The following AHDC1 variants were observed in gnomAD, a reference collection of about 807,000 sequenced individuals.
The protein encoded by AHDC1 is AT-hook DNA binding motif containing 1.
A neutral mutation model predicts 87.9 loss-of-function variants in AHDC1; 7 were observed. The observed-to-expected ratio is 0.08, with a 90% CI of 0.05 to 0.15. The LOEUF (loss-of-function observed/expected upper bound fraction) is 0.15, where lower values mean the gene tolerates loss of function less well. Ranked by LOEUF, AHDC1 falls within the 10% of genes least tolerant of loss-of-function variation. The probability of loss-of-function intolerance (pLI) is 1.00; values close to 1 mark genes in which losing one functional copy is unlikely to be tolerated. For synonymous variants in AHDC1, 1,051 were observed against 1,006.8 expected (o/e 1.04, Z -0.83); for missense variants, 1,841 against 2,253.2 (o/e 0.82, Z 3.70).
intron 8 of AHDC1, among the ~76,000 whole-genome samples, chr1:27,546,463 G>T (rs2019171277): frequency 6.6e-6 from 1 of 152,172 alleles, no homozygotes; most frequent in African/African-American, 2.4e-5. Flanking sequence ...AAAGTCTTTG[G>T]CTTCAGGAAA....
chr1:27,560,141 T>TTGG lies in AHDC1; in HGVS notation c.-628-1261_-628-1259dup, dbSNP rs988276425. Among the ~76,000 whole-genome samples, 100 of 152,218 alleles carry TTGG rather than the reference T, an allele frequency of 6.6e-4. No homozygotes were observed. Among genetic ancestry groups the TTGG allele is most frequent in the African/African-American group, 2.3e-3 (94 of 41,520 alleles). ...TGCCAGCTTAAGTGTGTGCCTGGAT[T>TTGG]TGGTGTCTTCAGTCATACATGTGGG... On this transcript the variant is annotated intron_variant, in intron 3 of 8. Transcript: ENST00000673934. The surrounding 1 kb of genome is among the most constrained non-coding windows in gnomAD (Gnocchi z 4.1).
chr1:27,539,982 T>C (rs1053947096), intron 8 of AHDC1, among the ~76,000 whole-genome samples: 8 of 151,762 alleles, frequency 5.3e-5, no homozygotes, highest in Admixed American at 2.6e-4. Context: ...TCTCTCTCTC[T>C]CCCCCACTCT....
At chr1:27,570,112 C>A (rs1371972926) in intron 3 of AHDC1, among the ~76,000 whole-genome samples, 1 of 152,036 alleles carries the variant, frequency 6.6e-6, no homozygotes, top group Non-Finnish European at 1.5e-5. Context: ...GGAAGCCCAG[C>A]TGGGCATGCC....
chr1:27,569,173 C>T (rs984095760), intron 3 of AHDC1, among the ~76,000 whole-genome samples: 1 of 152,046 alleles, frequency 6.6e-6, no homozygotes, highest in Non-Finnish European at 1.5e-5. Flanking sequence ...TCTTCTCCCT[C>T]ATATGGTCTA....
intron 8 of AHDC1, among the ~76,000 whole-genome samples, chr1:27,545,533 G>C (rs1386431359): frequency 6.6e-6 from 1 of 151,720 alleles, no homozygotes; most frequent in Middle Eastern, 3.4e-3. Context: ...AGCCTGGGAG[G>C]AACGGTTTTT....
Position 27,548,588 on chromosome 1 carries a change from C to T in AHDC1, c.3528G>A (p.Pro1176=), listed in dbSNP as rs144212274. The T allele has an allele frequency of 8.1e-6, 13 of 1,613,418 alleles. No homozygotes were observed. The highest frequency in any genetic ancestry group is 6.7e-5 in the African/African-American group (5 of 74,932). Residue 1176 remains proline (P), a synonymous_variant, in exon 8 of 9, where the codon CCG becomes CCA. Coordinates refer to ENST00000673934, the MANE Select transcript of AHDC1 (RefSeq NM_001371928.1). ...CACGCCGAAACCCCCCGCCACCAAC[C>T]GGCTGATTGAACTGGGTGCTGTCGG... ...SSSDSTQFNQ[P]VGGGGFRRAN...
At chr1:27,575,449 C>T (rs2088693566) in intron 3 of AHDC1, among the ~76,000 whole-genome samples, 1 of 152,124 alleles carries the variant, frequency 6.6e-6, no homozygotes, top group Non-Finnish European at 1.5e-5. Context: ...CAGTCTGGGG[C>T]CGGGCGGCGA....
chr1:27,557,669 G>A (rs1438613816), intron 5 of AHDC1, among the ~76,000 whole-genome samples: 3 of 152,106 alleles, frequency 2.0e-5, no homozygotes, highest in East Asian at 1.9e-4. Flanking sequence ...CCGTACCATC[G>A]CAGTGTATTC....
At position 27,549,307 on chromosome 1, in the gene AHDC1, C is replaced by G. The variant is rs775334923; in HGVS notation, c.2809G>C (p.Asp937His). ...GGGAAGGTCTCGGCTGCCCGGCAGT[C>G]TGAAGCGGCTGGAGTTAGCCCATAG... ...ASYGLTPAAS[D>H]CRAAETFPKL... Residue 937 changes from aspartate (D) to histidine (H), a missense_variant, in exon 8 of 9, where the codon GAC (aspartate) becomes CAC (histidine). By Grantham distance (81) the Asp-to-His change is moderately conservative. This residue lies in a region of AHDC1 where 378 missense variants were observed against 399.0 expected (regional missense o/e 0.95). Transcript: ENST00000673934. 6.2e-7 allele frequency: 1 copy of G among 1,606,982 alleles called. No homozygotes were observed. The highest frequency in any genetic ancestry group is 8.5e-7 in the Non-Finnish European group (1 of 1,175,086).
chr1:27,591,460 G>A (rs186485078), intron 3 of AHDC1, among the ~76,000 whole-genome samples: 1 of 152,320 alleles, frequency 6.6e-6, no homozygotes, highest in African/African-American at 2.4e-5. Flanking sequence ...GATATCCCAG[G>A]TGACCACCTT....
rs955015924 is a variant in AHDC1 at position 27,563,532 on chromosome 1, C to G, written c.-628-4649G>C. Among the ~76,000 whole-genome samples the G allele has an allele frequency of 1.3e-5, 2 of 152,176 alleles. No homozygotes were observed. Among genetic ancestry groups the G allele is most frequent in the African/African-American group, 4.8e-5 (2 of 41,438 alleles). ...CTCCCCGGCTGCCTTGGACAGGTGA[C>G]AGCCCACCTCACCCCTCCCCCATCA... is the stretch of plus-strand genomic sequence containing the variant. On this transcript the variant is annotated intron_variant, in intron 3 of 8. Coordinates refer to ENST00000673934, the MANE Select transcript of AHDC1 (RefSeq NM_001371928.1). This position sits in a 1 kb window ranked among gnomAD's most constrained non-coding sequence, Gnocchi z 6.1.
In AHDC1 at chr1:27,562,767, TGTC is replaced by T. The variant is rs1390115048; in HGVS notation, c.-628-3887_-628-3885del. On this transcript the variant is annotated intron_variant, in intron 3 of 8. Coordinates refer to ENST00000673934, the MANE Select transcript of AHDC1 (RefSeq NM_001371928.1). This position sits in a 1 kb window ranked among gnomAD's most constrained non-coding sequence, Gnocchi z 4.4. ...GCCAGCCCCGTATCACCAGAAAACA[TGTC>T]GTCTCTTTAGAGTGAGACACGAGCT... Among the ~76,000 whole-genome samples, 1 of 152,158 alleles carries T rather than the reference TGTC, an allele frequency of 6.6e-6. No individual in the cohort carries two copies. The highest frequency in any genetic ancestry group is 2.4e-5 in the African/African-American group (1 of 41,420).
At chr1:27,537,572 C>T (rs2018700811) in intron 8 of AHDC1, among the ~76,000 whole-genome samples, 1 of 152,192 alleles carries the variant, frequency 6.6e-6, no homozygotes, top group Admixed American at 6.5e-5. Flanking sequence ...ACCTTCAGAA[C>T]ACCTCCTTAG....
Position 27,598,782 on chromosome 1 carries a change from C to T in AHDC1, c.-629+4615G>A, listed in dbSNP as rs892057972. The stretch of plus-strand genomic sequence containing the variant: ...CTAGCACCTCACACACAAATATATA[C>T]AGTGCATCCCAGTGCTCACCGCCTG... On this transcript the variant is annotated intron_variant, in intron 3 of 8. Coordinates refer to ENST00000673934, the MANE Select transcript of AHDC1 (RefSeq NM_001371928.1). The surrounding 1 kb of genome is among the most constrained non-coding windows in gnomAD (Gnocchi z 4.2). Among the ~76,000 whole-genome samples the T allele has an allele frequency of 1.3e-5, 2 of 152,178 alleles. No homozygotes were observed. Among genetic ancestry groups the T allele is most frequent in the Non-Finnish European group, 2.9e-5 (2 of 68,016 alleles).
chr1:27,537,815 A>AT (rs1224177283), intron 8 of AHDC1, among the ~76,000 whole-genome samples: 2 of 152,188 alleles, frequency 1.3e-5, no homozygotes, highest in African/African-American at 2.4e-5. Context: ...GTGCCAGGGC[A>AT]TTAAGTGGTC....
chr1:27,552,715 G>T (rs2019635628), intron 7 of AHDC1, 177 bp downstream of exon 7: 1 of 152,602 alleles, frequency 6.6e-6, no homozygotes, highest in East Asian at 1.9e-4. Context: ...CTTATTGACA[G>T]CTCATCCCCT....
chr1:27,583,718 ATTAGCTGTGTTTC>A (rs1297629755), intron 3 of AHDC1, among the ~76,000 whole-genome samples: 1 of 152,008 alleles, frequency 6.6e-6, no homozygotes, highest in African/African-American at 2.4e-5. Flanking sequence ...CCCTCTCCCT[ATTAGCTGTGTTTC>A]CTTGGGCATG....
In AHDC1 at chr1:27,547,458, C is replaced by T. The variant is rs2019227971; in HGVS notation, c.4658G>A (p.Arg1553Lys). 6.3e-7 allele frequency: 1 copy of T among 1,593,418 alleles called. No homozygotes were observed. The highest frequency in any genetic ancestry group is 1.3e-5 in the African/African-American group (1 of 74,734). The change falls in exon 8 of 9, where the codon AGG becomes AAG. Residue 1553 changes from arginine (R) to lysine (K), a missense_variant. Coordinates refer to ENST00000673934, the MANE Select transcript of AHDC1 (RefSeq NM_001371928.1). This position sits in a 1 kb window ranked among gnomAD's most constrained non-coding sequence, Gnocchi z 4.9. Reference protein sequence around the residue: ...LSDLTLSPVPRDSLLPLQDTA... With the variant: ...LSDLTLSPVPKDSLLPLQDTA... Reference sequence around the variant, plus strand: ...GTCCTGCAGGGGCAGCAGCGAGTCCCTCGGCACGGGGGACAGGGTCAAGTC... The same window carrying T: ...GTCCTGCAGGGGCAGCAGCGAGTCCTTCGGCACGGGGGACAGGGTCAAGTC...
chr1:27,536,386 C>A (rs1418857246), intron 8 of AHDC1, among the ~76,000 whole-genome samples: 1 of 152,202 alleles, frequency 6.6e-6, no homozygotes, highest in Non-Finnish European at 1.5e-5. Context: ...AGAGCTGCAT[C>A]TTTGTTAAGC....
Sources: gnomAD v4.1 joint callset for allele counts (sites outside exome capture counted in the v4.1 genomes callset) on GRCh38, gnomAD v4.1.1 for gene constraint, gnomAD v4.1.1 regional missense constraint, Gnocchi (gnomAD v3.1) non-coding constraint, MANE v1.5 for transcripts, NCBI Gene and HGNC (gene_info 2026-07-23, HGNC 2026-07-21) for gene names.